Variants in LIN7B observed in about 807,000 individuals in gnomAD.
LIN7B encodes lin-7 cell polarity scaffold B, also known as protein lin-7 homolog B.
In LIN7B, 16 loss-of-function variants were observed where a neutral mutation model predicts 27.9. That is an observed-to-expected ratio of 0.57 (90% CI 0.39 to 0.87). The LOEUF (loss-of-function observed/expected upper bound fraction) is 0.87, where lower values mean the gene tolerates loss of function less well. Ranked by LOEUF, LIN7B falls within the 40% of genes least tolerant of loss-of-function variation. The pLI is 0.00. For synonymous variants in LIN7B, 147 were observed against 120.8 expected, an observed-to-expected ratio of 1.22 and a Z score of -1.42; for missense variants, 291 against 288.5, an observed-to-expected ratio of 1.01 and a Z score of -0.06.
chr19:49,116,674 C>G (rs1352307605), intron 4 of LIN7B, among the ~76,000 whole-genome samples: 1 of 152,202 alleles, frequency 6.6e-6, no homozygotes, highest in Non-Finnish European at 1.5e-5. Context: ...TAGGCCCCGG[C>G]TGAAATAGTC....
chr19:49,117,019 G>T (rs1371042920), intron 4 of LIN7B, among the ~76,000 whole-genome samples: 1 of 152,234 alleles, frequency 6.6e-6, no homozygotes, highest in South Asian at 2.1e-4. Flanking sequence ...GCTGAGGCAC[G>T]TGGATCACTT....
chr19:49,118,121 CT>C, intron 5 of LIN7B, 103 bp downstream of exon 5: 2 of 1,533,326 alleles, frequency 1.3e-6, no homozygotes, highest in Non-Finnish European at 1.8e-6. Flanking sequence ...GCCCTGGCCC[CT>C]CCTCTGGGAT....
chr19:49,117,801 G>A (rs1476521414), intron 4 of LIN7B, 54 bp from the exon 5 acceptor site: 51 of 1,532,454 alleles, frequency 3.3e-5, no homozygotes, highest in Non-Finnish European at 2.7e-6. Flanking sequence ...TCCCAGTGGG[G>A]GCTGGACGAG....
At position 49,115,257 on chromosome 19, in the gene LIN7B, C is replaced by G. The variant is rs1289354074; in HGVS notation, c.157-3C>G. 1.3e-6 allele frequency: 2 copies of G among 1,552,816 alleles called. No individual in the cohort carries two copies. Among genetic ancestry groups the G allele is most frequent in the Non-Finnish European group, 1.7e-6 (2 of 1,147,416 alleles). ...TCCCTGATGCCGCTGCCTCCTCACC[C>G]AGGTGTATGAGCAGCTTTATGACAC... On this transcript the variant is annotated splice_region_variant and splice_polypyrimidine_tract_variant and intron_variant, in intron 2 of 5. Transcript: ENST00000221459.
intron 4 of LIN7B, among the ~76,000 whole-genome samples, chr19:49,117,055 G>A (rs1206027912): frequency 1.3e-5 from 2 of 152,026 alleles, no homozygotes; most frequent in African/African-American, 4.8e-5. Context: ...AGACCAGCCT[G>A]GCCAACATGG....
intron 2 of LIN7B, 61 bp downstream of exon 2, chr19:49,115,028 T>C: frequency 8.7e-7 from 1 of 1,151,612 alleles, no homozygotes; most frequent in Non-Finnish European, 1.2e-6. Flanking sequence ...CTCCTCCTCC[T>C]GCTTGTCCCG....
In LIN7B at chr19:49,114,884, C is replaced by A; in HGVS notation, c.73C>A (p.Gln25Lys). The change falls in exon 2 of 6, where the codon CAG becomes AAG. Residue 25 changes from glutamine to lysine, a missense_variant. Transcript: ENST00000221459. ...SRAVELLERL[Q>K]RSGELPPQKL... ...GGCGGTTGAGCTCCTCGAGCGGCTC[C>A]AGCGCAGCGGGGAGCTGCCGCCGCA... 6.8e-7 allele frequency: 1 copy of A among 1,477,624 alleles called. No homozygotes were observed. Among genetic ancestry groups the A allele is most frequent in the Non-Finnish European group, 8.9e-7 (1 of 1,118,314 alleles). 91.5% of individuals were successfully genotyped at this position (1,477,624 alleles called of 1,614,324 possible). A position where few individuals can be genotyped will look rare whatever the true frequency, so the allele number is the denominator to read the frequency against.
chr19:49,115,953 T>A (rs1469611078), intron 3 of LIN7B: 1 of 224,776 alleles, frequency 4.4e-6, no homozygotes. Context: ...GAGGTTGCAG[T>A]GAGCCGAGAT....
chr19:49,115,439 A>G, intron 3 of LIN7B, 108 bp downstream of exon 3: 1 of 974,882 alleles, frequency 1.0e-6, no homozygotes, highest in Non-Finnish European at 1.5e-6. Flanking sequence ...TTTTTGCTAA[A>G]TCTATGTGCC....
At position 49,114,979 on chromosome 19, in the gene LIN7B, G is replaced by A. The variant is rs1275856264; in HGVS notation, c.156+12G>A. 1 of 1,398,650 alleles carries A rather than the reference G, an allele frequency of 7.1e-7. No homozygotes were observed. The highest frequency in any genetic ancestry group is 2.8e-5 in the East Asian group (1 of 36,020). 86.6% of individuals were successfully genotyped at this position (1,398,650 alleles called of 1,614,324 possible). ...CCGCTATCCGAGAGGTGAGGGGCGC[G>A]CGGCGCAGGGGCGCGAGCTGGTGGC... is the stretch of plus-strand genomic sequence containing the variant. On this transcript the variant is annotated intron_variant, in intron 2 of 5. Transcript: ENST00000221459.
Position 49,117,893 on chromosome 19 carries a change from G to A in LIN7B, c.477G>A (p.Leu159=), listed in dbSNP as rs201977578. Residue 159 remains leucine, a synonymous_variant, in exon 5 of 6, where the codon CTG becomes CTA. Coordinates refer to ENST00000221459, the MANE Select transcript of LIN7B (RefSeq NM_022165.3). ...AGCAGCATGAGAAGGCGGTGGAGCT[G>A]CTGAAGGCGGCCCAGGGCTCGGTGA... ...EGEQHEKAVE[L]LKAAQGSVKL... 1 of 1,614,048 alleles carries A rather than the reference G, an allele frequency of 6.2e-7. No individual in the cohort carries two copies. The highest frequency in any genetic ancestry group is 8.5e-7 in the Non-Finnish European group (1 of 1,179,974).
chr19:49,115,302 G>A lies in LIN7B; in HGVS notation c.199G>A (p.Ala67Thr), dbSNP rs150018101. The A allele has an allele frequency of 1.4e-4, 216 of 1,570,814 alleles. No homozygotes were observed. The highest frequency in any genetic ancestry group is 1.7e-4 in the Non-Finnish European group (198 of 1,157,088). The change falls in exon 3 of 6, where the codon GCC becomes ACC. Residue 67 changes from alanine (A) to threonine (T), a missense_variant. Transcript: ENST00000221459. ...LYDTLDITGS[A>T]EIRAHATAKA... Reference sequence around the variant, plus strand: ...TGACACGCTGGACATCACCGGCAGCGCCGAGATCCGAGCCCATGCCACAGC... The same window carrying A: ...TGACACGCTGGACATCACCGGCAGCACCGAGATCCGAGCCCATGCCACAGC...
At chr19:49,118,224 C>T (rs1381018978) in intron 5 of LIN7B, 128 bp from the exon 6 acceptor site, 13 of 1,328,512 alleles carry the variant, frequency 9.8e-6, no homozygotes, top group South Asian at 9.8e-5. Flanking sequence ...TCCCAAGATA[C>T]GGAACCTACT....
chr19:49,116,000 A>C, intron 3 of LIN7B: 4 of 374,884 alleles, frequency 1.1e-5, no homozygotes, highest in Non-Finnish European at 9.8e-6. Context: ...ACAGAGTGAG[A>C]CTTCATCTCA....
rs1193107345 is a variant in LIN7B at position 49,114,389 on chromosome 19, C to G, written c.-16C>G. ...GGCGCCAGGGCAGGCGGGCGGCTGG[C>G]AGCTGTGGCGCCGACATGGCTGCGC... is the stretch of plus-strand genomic sequence containing the variant. On this transcript the variant is annotated 5_prime_UTR_variant, in exon 1 of 6. Coordinates refer to ENST00000221459, the MANE Select transcript of LIN7B (RefSeq NM_022165.3). 1 of 1,196,486 alleles carries G rather than the reference C, an allele frequency of 8.4e-7. No homozygotes were observed. Among genetic ancestry groups the G allele is most frequent in the Non-Finnish European group, 1.0e-6 (1 of 965,180 alleles). The allele number at this position is 1,196,486 out of a possible 1,614,324, so 74.1% of individuals were successfully genotyped here.
chr19:49,115,245 T>G lies in LIN7B; in HGVS notation c.157-15T>G. On this transcript the variant is annotated splice_polypyrimidine_tract_variant and intron_variant, in intron 2 of 5. Coordinates refer to ENST00000221459, the MANE Select transcript of LIN7B (RefSeq NM_022165.3). ...GGAGCTGGCGACTCCCTGATGCCGCTGCCTCCTCACCCAGGTGTATGAGCA... is the reference window on the plus strand; with the variant it reads ...GGAGCTGGCGACTCCCTGATGCCGCGGCCTCCTCACCCAGGTGTATGAGCA... The G allele has an allele frequency of 6.5e-7, 1 of 1,548,636 alleles. No homozygotes were observed. The highest frequency in any genetic ancestry group is 1.7e-4 in the Middle Eastern group (1 of 5,806).
At chr19:49,117,502 G>T (rs916556048) in intron 4 of LIN7B, among the ~76,000 whole-genome samples, 1 of 152,140 alleles carries the variant, frequency 6.6e-6, no homozygotes, top group African/African-American at 2.4e-5. Context: ...GGAGGCTGGG[G>T]TAAGAGTCCA....
At chr19:49,117,293 A>C (rs1267358910) in intron 4 of LIN7B, among the ~76,000 whole-genome samples, 1 of 150,544 alleles carries the variant, frequency 6.6e-6, no homozygotes, top group Non-Finnish European at 1.5e-5. Context: ...AGTTGAGGGA[A>C]GCATAACTGG....
chr19:49,118,133 C>G (rs1234371776), intron 5 of LIN7B, 115 bp downstream of exon 5: 1 of 1,508,458 alleles, frequency 6.6e-7, no homozygotes, highest in African/African-American at 1.4e-5. Context: ...CCTCTGGGAT[C>G]CTGACCCTTG....
Sources: gnomAD v4.1 joint callset for allele counts (sites outside exome capture counted in the v4.1 genomes callset) on GRCh38, gnomAD v4.1.1 for gene constraint, MANE v1.5 for transcripts, NCBI Gene and HGNC (gene_info 2026-07-23, HGNC 2026-07-21) for gene names.